Variants in RET observed in about 807,000 individuals in gnomAD.
RET encodes proto-oncogene tyrosine-protein kinase receptor Ret.
A neutral mutation model predicts 118.3 loss-of-function variants in RET; 19 were observed. That is an observed-to-expected ratio of 0.16 (90% CI 0.11 to 0.24). The LOEUF is 0.24. RET is among the 10% of genes least tolerant of loss of function. RET has a pLI of 1.00. For synonymous variants in RET, 597 were observed against 644.1 expected (o/e 0.93, Z 1.11); for missense variants, 1,219 against 1,502.1 (o/e 0.81, Z 3.12).
chr10:43,106,991 A>G lies in RET; in HGVS notation c.1063+420A>G, dbSNP rs1295892082. Among the ~76,000 whole-genome samples, 2 of 152,178 alleles carry G rather than the reference A, an allele frequency of 1.3e-5. No homozygotes were observed. The highest frequency in any genetic ancestry group is 2.4e-5 in the African/African-American group (1 of 41,442). On this transcript the variant is annotated intron_variant, in intron 5 of 19. Transcript: ENST00000355710. The surrounding 1 kb of genome is among the most constrained non-coding windows in gnomAD (Gnocchi z 5.1). ...CTCTGCTAAACAGGCTGGTGTACAG[A>G]AGCAGCCCCGAGCCAGGTCAGGGCT... is the stretch of plus-strand genomic sequence containing the variant.
At chr10:43,123,604 C>A in intron 16 of RET, 67 bp from the exon 17 acceptor site, 1 of 1,608,132 alleles carries the variant, frequency 6.2e-7, no homozygotes, top group South Asian at 1.1e-5. Context: ...GGGTGGATAT[C>A]TGGGCCCCCC....
Position 43,129,915 on chromosome 10 carries a change from T to G in RET, c.*1646T>G, listed in dbSNP as rs886047011. The G allele has an allele frequency of 5.0e-6, 2 of 398,884 alleles. No homozygotes were observed. Among genetic ancestry groups the G allele is most frequent in the South Asian group, 2.5e-4 (2 of 7,862 alleles). The allele number at this position is 398,884 out of a possible 1,614,324, so 24.7% of individuals were successfully genotyped here. On this transcript the variant is annotated 3_prime_UTR_variant, in exon 20 of 20. Transcript: ENST00000355710. ...TCTATAGACATGGTAAACTTTTGGT[T>G]TTCAGATATGCTTAATGATAGTCTT...
intron 1 of RET, among the ~76,000 whole-genome samples, chr10:43,097,664 T>C (rs558575511): frequency 1.3e-5 from 2 of 152,332 alleles, no homozygotes; most frequent in South Asian, 4.1e-4. Flanking sequence ...GGCACTGTCA[T>C]GGGAGCAGTG....
rs1838036692 is a variant in RET, at chr10:43,114,896, G to T, written c.2136+160G>T. Among the ~76,000 whole-genome samples, 1 of 152,158 alleles carries T rather than the reference G, an allele frequency of 6.6e-6. No homozygotes were observed. Among genetic ancestry groups the T allele is most frequent in the Non-Finnish European group, 1.5e-5 (1 of 68,016 alleles). On this transcript the variant is annotated intron_variant, in intron 11 of 19. Transcript: ENST00000355710. The surrounding 1 kb of genome is among the most constrained non-coding windows in gnomAD (Gnocchi z 4.6). ...CCCATTTCCATAGGGCGCTGTGTGG[G>T]GACAGTCTGTGGGGTGGGACTGTGA... is the stretch of plus-strand genomic sequence containing the variant.
At chr10:43,080,991 G>A (rs1837167314) in intron 1 of RET, among the ~76,000 whole-genome samples, 2 of 152,194 alleles carry the variant, frequency 1.3e-5, no homozygotes, top group South Asian at 2.1e-4. Context: ...CAGGGATGGG[G>A]GTACAGCTGT....
intron 1 of RET, among the ~76,000 whole-genome samples, chr10:43,097,728 C>G (rs986792360): frequency 6.6e-6 from 1 of 152,204 alleles, no homozygotes; most frequent in Non-Finnish European, 1.5e-5. Flanking sequence ...TCTATTTTCC[C>G]ACTGTGGGAC....
chr10:43,085,160 C>A (rs1316110831), intron 1 of RET, among the ~76,000 whole-genome samples: 1 of 152,120 alleles, frequency 6.6e-6, no homozygotes, highest in Non-Finnish European at 1.5e-5. Context: ...TGCAAATCTG[C>A]TTGGTGGGGG....
Position 43,112,218 on chromosome 10 carries a change from G to A in RET, c.1642G>A (p.Gly548Ser), listed in dbSNP as rs374461212. Reference sequence around the variant, plus strand: ...CAGGTGTGAGTGGAGGCAAGGAGATGGCAAAGGTAAGCCCTGGAAACGCCC... The same window carrying A: ...CAGGTGTGAGTGGAGGCAAGGAGATAGCAAAGGTAAGCCCTGGAAACGCCC... Reference protein sequence around the residue: ...TGRCEWRQGDGKGITRNFSTC... With the variant: ...TGRCEWRQGDSKGITRNFSTC... Residue 548 changes from glycine to serine, a missense_variant, in exon 8 of 20, where the codon GGC (glycine) becomes AGC (serine). Transcript: ENST00000355710. 23 of 1,554,064 alleles carry A rather than the reference G, an allele frequency of 1.5e-5. No individual in the cohort carries two copies. The African/African-American group carries it at 2.7e-4, about 18-fold the overall frequency.
At chr10:43,124,749 A>C in intron 17 of RET, 134 bp from the exon 18 acceptor site, 1 of 888,366 alleles carries the variant, frequency 1.1e-6, no homozygotes, top group Non-Finnish European at 1.9e-6. Context: ...TCAGCGATGC[A>C]GAAATAGCTT....
chr10:43,096,083 G>A (rs1441949983), intron 1 of RET, among the ~76,000 whole-genome samples: 2 of 152,214 alleles, frequency 1.3e-5, no homozygotes, highest in African/African-American at 2.4e-5. Flanking sequence ...GCAGACACCT[G>A]TGTGCTAGGT....
rs1230114320 is a variant in RET, at chr10:43,114,415, G to A, written c.1880-65G>A. 1 of 1,593,872 alleles carries A rather than the reference G, an allele frequency of 6.3e-7. No homozygotes were observed. ...TGGAGAGCCATGAGGCAGAGCATAC[G>A]CAGCCTGTACCCAGTGGTGCCGAGC... On this transcript the variant is annotated intron_variant, in intron 10 of 19. Transcript: ENST00000355710. The surrounding 1 kb of genome is among the most constrained non-coding windows in gnomAD (Gnocchi z 4.6).
chr10:43,108,957 C>T (rs1837846718), intron 5 of RET, 74 bp from the exon 6 acceptor site: 4 of 1,426,630 alleles, frequency 2.8e-6, no homozygotes, highest in Non-Finnish European at 3.9e-6. Flanking sequence ...AGGGCTGTGT[C>T]TGGGAAGAGG....
Position 43,129,717 on chromosome 10 carries a change from C to G in RET, c.*1448C>G. On this transcript the variant is annotated 3_prime_UTR_variant, in exon 20 of 20. Coordinates refer to ENST00000355710, the MANE Select transcript of RET (RefSeq NM_020975.6). ...ATTTTATATAGGCATTTCACAAAAA[C>G]AGCAAAATTGTGGCATTTTGTGAGG... 2.7e-6 allele frequency: 1 copy of G among 371,840 alleles called. No homozygotes were observed. The highest frequency in any genetic ancestry group is 4.6e-5 in the Admixed American group (1 of 21,790). The allele number at this position is 371,840 out of a possible 1,614,324, so 23.0% of individuals were successfully genotyped here. A position where few individuals can be genotyped will look rare whatever the true frequency, so the allele number is the denominator to read the frequency against.
At position 43,128,189 on chromosome 10, in the gene RET, A is replaced by C. The variant is rs864622486; in HGVS notation, c.3265A>C (p.Arg1089=). ...RADGTNTGFP[R]YPNDSVYANW... is the part of the protein sequence containing the mutation. ...TGATGGCACTAACACTGGGTTTCCAAGATATCCAAATGATAGTGTATATGC... is the reference window on the plus strand; with the variant it reads ...TGATGGCACTAACACTGGGTTTCCACGATATCCAAATGATAGTGTATATGC... The change falls in exon 20 of 20, where the codon AGA becomes CGA. Residue 1089 remains arginine (R), a synonymous_variant. Transcript: ENST00000355710. 6.2e-7 allele frequency: 1 copy of C among 1,614,214 alleles called. No homozygotes were observed. Among genetic ancestry groups the C allele is most frequent in the Non-Finnish European group, 8.5e-7 (1 of 1,180,026 alleles).
At chr10:43,086,044 T>G (rs1386410015) in intron 1 of RET, among the ~76,000 whole-genome samples, 1 of 152,212 alleles carries the variant, frequency 6.6e-6, no homozygotes, top group Non-Finnish European at 1.5e-5. Flanking sequence ...GCTTCTACTC[T>G]GCAGCCCAAT....
chr10:43,100,343 A>G, intron 1 of RET, 116 bp from the exon 2 acceptor site: 15 of 1,192,178 alleles, frequency 1.3e-5, no homozygotes, highest in Non-Finnish European at 1.8e-5. Context: ...GTTCTCAGGA[A>G]CAGAGATGAA....
At chr10:43,086,541 G>A (rs1027871964) in intron 1 of RET, among the ~76,000 whole-genome samples, 3 of 152,236 alleles carry the variant, frequency 2.0e-5, no homozygotes, top group African/African-American at 7.2e-5. Flanking sequence ...GCCAGGGCCA[G>A]TGAACAATGT....
At chr10:43,109,865 G>A (rs751099998) in intron 6 of RET, among the ~76,000 whole-genome samples, 7 of 152,228 alleles carry the variant, frequency 4.6e-5, no homozygotes, top group East Asian at 3.8e-4. Context: ...GTTGCACATC[G>A]TGGTGTTCTT....
intron 2 of RET, among the ~76,000 whole-genome samples, chr10:43,102,040 A>G (rs2132675328): frequency 6.6e-6 from 1 of 152,242 alleles, no homozygotes; most frequent in Admixed American, 6.5e-5. Context: ...CTTACTGGAG[A>G]AGTTGCCACC....
Sources: allele counts gnomAD v4.1 joint callset (sites outside exome capture counted in the v4.1 genomes callset), GRCh38; gene constraint gnomAD v4.1.1; non-coding constraint Gnocchi (gnomAD v3.1); transcripts MANE v1.5; gene names NCBI Gene and HGNC (gene_info 2026-07-23, HGNC 2026-07-21).